The following PRIM2 variants were observed in gnomAD, a reference collection of about 807,000 sequenced individuals.
PRIM2 encodes the protein DNA primase large subunit.
PRIM2 carries 39 observed loss-of-function variants against 67.3 expected under a neutral mutation model. The observed-to-expected ratio is 0.58, with a 90% CI of 0.45 to 0.76. The LOEUF (loss-of-function observed/expected upper bound fraction) is 0.76. Ranked by LOEUF, PRIM2 falls within the 30% of genes least tolerant of loss-of-function variation. PRIM2 has a pLI of 0.00. For synonymous variants in PRIM2, 143 were observed against 198.7 expected (o/e 0.72, Z 2.36); for missense variants, 398 against 598.7 (o/e 0.66, Z 3.50).
intron 13 of PRIM2, among the ~76,000 whole-genome samples, chr6:57,641,760 AG>A (rs1477333676): frequency 6.6e-6 from 1 of 152,218 alleles, no homozygotes; most frequent in Non-Finnish European, 1.5e-5. Context: ...GTGGAGAAAT[AG>A]GAATGCTTTT....
chr6:57,401,893 T>C (rs1770720487), intron 7 of PRIM2, among the ~76,000 whole-genome samples: 1 of 152,078 alleles, frequency 6.6e-6, no homozygotes, highest in East Asian at 1.9e-4. Flanking sequence ...GGATAAGGCA[T>C]TGAGGGTCTT....
chr6:57,391,739 T>C (rs1244486119), intron 7 of PRIM2, among the ~76,000 whole-genome samples: 1 of 152,102 alleles, frequency 6.6e-6, no homozygotes, highest in Non-Finnish European at 1.5e-5. Flanking sequence ...TTTTTGTACC[T>C]GTACCATGCT....
chr6:57,604,956 C>T (rs1341787036), intron 11 of PRIM2, among the ~76,000 whole-genome samples: 115 of 152,292 alleles, frequency 7.6e-4, no homozygotes, highest in Middle Eastern at 6.8e-3. Context: ...TTCCAAAGTG[C>T]TGGGATTACG....
At chr6:57,295,431 C>CA in the PRIM2 span, among the ~76,000 whole-genome samples, 1 of 152,088 alleles carries the variant, frequency 6.6e-6, no homozygotes, top group Non-Finnish European at 1.5e-5. Flanking sequence ...TGGAGTGAAT[C>CA]AATCTACATT....
the PRIM2 span, among the ~76,000 whole-genome samples, chr6:57,264,788 C>T: frequency 0.022 from 3,292 of 151,912 alleles, 56 homozygotes; most frequent in Non-Finnish European, 0.036. Flanking sequence ...AGTAGATATA[C>T]GGTTTCACCA....
At chr6:57,330,384 T>TTTTTTTTTTTTTTTTTTTTTTG (rs1562696759) in intron 5 of PRIM2, among the ~76,000 whole-genome samples, 14 of 35,140 alleles carry the variant, frequency 4.0e-4, no homozygotes, top group African/African-American at 1.4e-3. Context: ...TGTTTTTTTG[T>TTTTTTTTTTTTTTTTTTTTTTG]TTTTTTTTTT....
chr6:57,445,995 G>T (rs1772351607), intron 7 of PRIM2, among the ~76,000 whole-genome samples: 1 of 152,338 alleles, frequency 6.6e-6, no homozygotes, highest in Middle Eastern at 3.4e-3. Context: ...TTCTGTTGGT[G>T]GAGTGAGGCT....
chr6:57,265,739 A>G, the PRIM2 span, among the ~76,000 whole-genome samples: 1 of 152,204 alleles, frequency 6.6e-6, no homozygotes, highest in East Asian at 1.9e-4. Flanking sequence ...CATATTTATT[A>G]TGCAGCTTCT....
chr6:57,498,606 C>T (rs1464437507), intron 7 of PRIM2, among the ~76,000 whole-genome samples: 319 of 152,150 alleles, frequency 2.1e-3, no homozygotes, highest in Non-Finnish European at 3.3e-3. Flanking sequence ...TATTGTCATT[C>T]CTCTTGAGTT....
At chr6:57,311,381 C>A (rs1197216087), upstream of PRIM2, among the ~76,000 whole-genome samples, 1 of 150,340 alleles carries the variant, frequency 6.7e-6, no homozygotes, top group East Asian at 2.0e-4. Flanking sequence ...AGGCACTCCT[C>A]ACTTCCCAGA....
At chr6:57,458,539 G>A in intron 7 of PRIM2, among the ~76,000 whole-genome samples, 1 of 152,086 alleles carries the variant, frequency 6.6e-6, no homozygotes, top group Non-Finnish European at 1.5e-5. Flanking sequence ...CAAAAAATTA[G>A]TCAGCCATGG....
chr6:57,245,925 GTTGA>G, the PRIM2 span, among the ~76,000 whole-genome samples: 2 of 152,282 alleles, frequency 1.3e-5, no homozygotes, highest in African/African-American at 4.8e-5. Flanking sequence ...AGAAAGATTA[GTTGA>G]TTGGTGTCAC....
chr6:57,344,342 T>C (rs576138758), intron 5 of PRIM2, among the ~76,000 whole-genome samples: 1 of 152,324 alleles, frequency 6.6e-6, no homozygotes, highest in African/African-American at 2.4e-5. Context: ...AATTATTTTT[T>C]TTCAAGGTTA....
At chr6:57,325,891 T>TA in intron 4 of PRIM2, 34 bp from the exon 5 acceptor site, 5 of 1,533,010 alleles carry the variant, frequency 3.3e-6, no homozygotes, top group Non-Finnish European at 4.4e-6. Context: ...ACTGGATTTT[T>TA]AGTTTGTACT....
chr6:57,394,507 A>C (rs1770456083), intron 7 of PRIM2, among the ~76,000 whole-genome samples: 1 of 152,150 alleles, frequency 6.6e-6, no homozygotes, highest in South Asian at 2.1e-4. Context: ...ATTTGTGTAC[A>C]TTAATCTTGT....
At chr6:57,340,349 T>C in intron 5 of PRIM2, among the ~76,000 whole-genome samples, 1 of 152,154 alleles carries the variant, frequency 6.6e-6, no homozygotes, top group Non-Finnish European at 1.5e-5. Context: ...AGCCATCCCA[T>C]TACTGGGTAT....
chr6:57,457,042 C>T (rs1275139140), intron 7 of PRIM2, among the ~76,000 whole-genome samples: 1 of 152,188 alleles, frequency 6.6e-6, no homozygotes, highest in Non-Finnish European at 1.5e-5. Flanking sequence ...TTGGAGTTTG[C>T]TGGAGGTCCA....
At chr6:57,404,231 C>T (rs866235895) in intron 7 of PRIM2, among the ~76,000 whole-genome samples, 1 of 92,938 alleles carries the variant, frequency 1.1e-5, no homozygotes, top group Non-Finnish European at 2.2e-5. Context: ...ATATGTCTCT[C>T]GAAACTCAAG....
chr6:57,255,955 C>A, the PRIM2 span, among the ~76,000 whole-genome samples: 1 of 151,966 alleles, frequency 6.6e-6, no homozygotes, highest in Non-Finnish European at 1.5e-5. Context: ...GTGTGAAATG[C>A]CCTAAGGGGG....
Sources: allele counts gnomAD v4.1 joint callset (sites outside exome capture counted in the v4.1 genomes callset), GRCh38; gene constraint gnomAD v4.1.1; transcripts MANE v1.5; gene names NCBI Gene and HGNC (gene_info 2026-07-23, HGNC 2026-07-21).